The following FAM8A1 variants were observed in gnomAD, a reference collection of about 807,000 sequenced individuals.
The protein encoded by FAM8A1 is family with sequence similarity 8 member A1, also known as protein FAM8A1.
Under a neutral mutation model 38.3 loss-of-function variants are expected in FAM8A1, and 18 were observed. That is an observed-to-expected ratio of 0.47 (90% CI 0.33 to 0.70). The LOEUF (loss-of-function observed/expected upper bound fraction) is 0.70, where lower values mean the gene tolerates loss of function less well. Among genes scored for constraint, FAM8A1 ranks in the 30% least tolerant of loss-of-function variants. The pLI is 0.03. For missense variants in FAM8A1, 559 were observed against 559.6 expected (o/e 1.00, Z 0.01); for synonymous variants, 246 against 234.4 (o/e 1.05, Z -0.45).
intron 2 of FAM8A1, among the ~76,000 whole-genome samples, chr6:17,603,016 ACCTCTCACTATCCTGTTC>A (rs1764007851): frequency 6.6e-6 from 1 of 152,202 alleles, no homozygotes. Context: ...GAACTAATTT[ACCTCTCACTATCCTGTTC>A]CCTCTTGCTA....
chr6:17,600,457 C>T lies in FAM8A1; in HGVS notation c.48C>T (p.Asp16=). ...EEARGHPPGQ[D]DGGGDHEPVP... ...CCCGAGGCCACCCTCCCGGGCAGGACGATGGCGGAGGGGACCACGAGCCCG... is the reference window on the plus strand; with the variant it reads ...CCCGAGGCCACCCTCCCGGGCAGGATGATGGCGGAGGGGACCACGAGCCCG... The change falls in exon 1 of 5, where the codon GAC becomes GAT. Residue 16 remains aspartate, a synonymous_variant. Coordinates refer to ENST00000259963, the MANE Select transcript of FAM8A1 (RefSeq NM_016255.3). The T allele has an allele frequency of 6.7e-7, 1 of 1,490,600 alleles. No homozygotes were observed. Among genetic ancestry groups the T allele is most frequent in the Non-Finnish European group, 8.9e-7 (1 of 1,122,216 alleles). The allele number at this position is 1,490,600 out of a possible 1,614,324, so 92.3% of individuals were successfully genotyped here.
At chr6:17,603,632 C>A (rs1490359026) in intron 2 of FAM8A1, among the ~76,000 whole-genome samples, 1 of 152,094 alleles carries the variant, frequency 6.6e-6, no homozygotes, top group African/African-American at 2.4e-5. Flanking sequence ...GGCTGGAGTG[C>A]AGTAGTACAA....
At position 17,605,040 on chromosome 6, in the gene FAM8A1, G is replaced by A; in HGVS notation, c.957+11G>A. The A allele has an allele frequency of 1.9e-6, 3 of 1,596,562 alleles. No homozygotes were observed. Among genetic ancestry groups the A allele is most frequent in the Non-Finnish European group, 2.6e-6 (3 of 1,172,422 alleles). On this transcript the variant is annotated intron_variant, in intron 3 of 4. Transcript: ENST00000259963. Reference sequence around the variant, plus strand: ...GTTTGTTTCTATGAGGTAAGCTACTGACTTCAGCAAGAATTAATATTTAAC... The same window carrying A: ...GTTTGTTTCTATGAGGTAAGCTACTAACTTCAGCAAGAATTAATATTTAAC...
intron 2 of FAM8A1, among the ~76,000 whole-genome samples, chr6:17,604,260 G>T (rs1764024369): frequency 6.6e-6 from 1 of 152,046 alleles, no homozygotes; most frequent in African/African-American, 2.4e-5. Context: ...ATTTCATCAT[G>T]TGGTTTATAC....
intron 4 of FAM8A1, among the ~76,000 whole-genome samples, chr6:17,607,336 T>C (rs1764068612): frequency 6.6e-6 from 1 of 151,528 alleles, no homozygotes. Flanking sequence ...TAATGGCTAA[T>C]GTTTATTGAG....
At chr6:17,602,749 C>T in intron 2 of FAM8A1, 39 bp downstream of exon 2, 3 of 1,585,562 alleles carry the variant, frequency 1.9e-6, no homozygotes, top group Non-Finnish European at 1.7e-6. Flanking sequence ...TTAATTTCTA[C>T]TGTTTAATGA....
intron 4 of FAM8A1, 93 bp downstream of exon 4, chr6:17,606,106 T>C (rs1248310476): frequency 7.5e-5 from 68 of 903,386 alleles, no homozygotes; most frequent in Non-Finnish European, 1.0e-4. Flanking sequence ...TAGATAGGCT[T>C]ATATTTATTA....
intron 4 of FAM8A1, 35 bp from the exon 5 acceptor site, chr6:17,608,160 G>A (rs780694872): frequency 1.2e-6 from 2 of 1,610,274 alleles, no homozygotes; most frequent in South Asian, 1.1e-5. Context: ...GGTTTGATGT[G>A]TAACTTACCT....
rs1337054052 is a variant in FAM8A1 at position 17,605,728 on chromosome 6, T to TA, written c.958-143dup. On this transcript the variant is annotated intron_variant, in intron 3 of 4. Coordinates refer to ENST00000259963, the MANE Select transcript of FAM8A1 (RefSeq NM_016255.3). ...CATGTTAGAGACCTACAGAAATGCA[T>TA]AAAGTTAAATGGTTAACTTTTGAGT... is the stretch of plus-strand genomic sequence containing the variant. The TA allele has an allele frequency of 1.1e-4, 77 of 693,080 alleles. 1 individual carries two copies. Among genetic ancestry groups the TA allele is most frequent in the Admixed American group, 6.2e-4 (17 of 27,600 alleles). The allele number at this position is 693,080 out of a possible 1,614,324, so 42.9% of individuals were successfully genotyped here. A position where few individuals can be genotyped will look rare whatever the true frequency, so the allele number is the denominator to read the frequency against.
chr6:17,608,144 A>G (rs1462942061), intron 4 of FAM8A1, 51 bp from the exon 5 acceptor site: 5 of 1,587,958 alleles, frequency 3.1e-6, no homozygotes, highest in South Asian at 2.2e-5. Context: ...CCATTAATCT[A>G]TATGTGGTTT....
chr6:17,606,288 C>G (rs1764052612), intron 4 of FAM8A1, among the ~76,000 whole-genome samples: 1 of 151,230 alleles, frequency 6.6e-6, no homozygotes, highest in African/African-American at 2.4e-5. Context: ...GCAGGCTCCG[C>G]CTCCCAGGTT....
intron 4 of FAM8A1, among the ~76,000 whole-genome samples, chr6:17,607,264 A>C (rs2113747390): frequency 6.8e-6 from 1 of 146,622 alleles, no homozygotes; most frequent in East Asian, 2.0e-4. Flanking sequence ...ATCTCAAAAA[A>C]AAAAAAAAAC....
chr6:17,606,299 C>T (rs1182643144), intron 4 of FAM8A1, among the ~76,000 whole-genome samples: 2 of 149,580 alleles, frequency 1.3e-5, no homozygotes, highest in African/African-American at 2.5e-5. Flanking sequence ...CTCCCAGGTT[C>T]ACGCCATTCT....
chr6:17,604,862 C>T (rs772805391), intron 2 of FAM8A1, 44 bp from the exon 3 acceptor site: 5 of 1,498,958 alleles, frequency 3.3e-6, no homozygotes, highest in Non-Finnish European at 4.5e-6. Flanking sequence ...TGCTACTGTT[C>T]TGGTAACTAA....
rs1263276039 is a variant in FAM8A1 at position 17,601,130 on chromosome 6, C to G, written c.712+9C>G. 5.1e-6 allele frequency: 8 copies of G among 1,582,192 alleles called. No homozygotes were observed. The highest frequency in any genetic ancestry group is 6.9e-6 in the Non-Finnish European group (8 of 1,166,974). ...GACCGGGCGACAGGCAGGTGAGAAG[C>G]GCGAGGTGGAGGCTGGGCGGAGTAG... On this transcript the variant is annotated intron_variant, in intron 1 of 4. Transcript: ENST00000259963.
Position 17,600,754 on chromosome 6 carries a change from G to T in FAM8A1, c.345G>T (p.Arg115=). 6.4e-7 allele frequency: 1 copy of T among 1,562,634 alleles called. No homozygotes were observed. The highest frequency in any genetic ancestry group is 8.7e-7 in the Non-Finnish European group (1 of 1,155,774). Residue 115 remains arginine (R), a synonymous_variant, in exon 1 of 5, where the codon CGG becomes CGT. Coordinates refer to ENST00000259963, the MANE Select transcript of FAM8A1 (RefSeq NM_016255.3). Reference sequence around the variant, plus strand: ...GGCTGAGCGCCCGCGAGTACTCCCGGCAAGTGCACGAGTGGCTGTGGCAGT... The same window carrying T: ...GGCTGAGCGCCCGCGAGTACTCCCGTCAAGTGCACGAGTGGCTGTGGCAGT... ...PARLSAREYS[R]QVHEWLWQSY...
Position 17,608,401 on chromosome 6 carries a change from T to C in FAM8A1, c.*62T>C. 2 of 1,546,792 alleles carry C rather than the reference T, an allele frequency of 1.3e-6. No homozygotes were observed. Among genetic ancestry groups the C allele is most frequent in the East Asian group, 2.3e-5 (1 of 43,970 alleles). On this transcript the variant is annotated 3_prime_UTR_variant, in exon 5 of 5. Transcript: ENST00000259963. The stretch of plus-strand genomic sequence containing the variant: ...AAATTATGTATCAAGGCCATCAGTA[T>C]CCCTGGGTTACACTAATTGATGATT...
intron 2 of FAM8A1, among the ~76,000 whole-genome samples, chr6:17,603,270 T>G (rs1413718317): frequency 6.6e-6 from 1 of 152,268 alleles, no homozygotes; most frequent in Admixed American, 6.5e-5. Flanking sequence ...GCTTGCTCAC[T>G]TCTTTATGTG....
Position 17,611,526 on chromosome 6 carries a change from T to A in FAM8A1, c.*3187T>A, listed in dbSNP as rs988348371. ...CCAGTACCACAGGCCACTCTTGACA[T>A]CCCATGTTTGCCTGGATAAAGTTCC... On this transcript the variant is annotated 3_prime_UTR_variant, in exon 5 of 5. Transcript: ENST00000259963. 1 of 152,624 alleles carries A rather than the reference T, an allele frequency of 6.6e-6. No homozygotes were observed. Among genetic ancestry groups the A allele is most frequent in the African/African-American group, 2.4e-5 (1 of 41,446 alleles). The allele number at this position is 152,624 out of a possible 1,614,324, so 9.5% of individuals were successfully genotyped here.
Sources: allele counts gnomAD v4.1 joint callset (sites outside exome capture counted in the v4.1 genomes callset), GRCh38; gene constraint gnomAD v4.1.1; transcripts MANE v1.5; gene names NCBI Gene and HGNC (gene_info 2026-07-23, HGNC 2026-07-21).